HABP2: variants seen among roughly 807,000 people sequenced by gnomAD.
The protein encoded by HABP2 is hyaluronan binding protein 2.
Under a neutral mutation model 66.5 loss-of-function variants are expected in HABP2, and 65 were observed. That is an observed-to-expected ratio of 0.98 (90% CI 0.80 to 1.20). The LOEUF (loss-of-function observed/expected upper bound fraction) is 1.20. Among genes scored for constraint, HABP2 ranks in the 50% most tolerant of loss-of-function variants. The pLI is 0.00. For synonymous variants in HABP2, 263 were observed against 253.9 expected, an observed-to-expected ratio of 1.04 and a Z score of -0.34; for missense variants, 786 against 691.0, an observed-to-expected ratio of 1.14 and a Z score of -1.54.
At chr10:113,578,179 G>A (rs767195288) in intron 6 of HABP2, 34 bp downstream of exon 6, 2 of 1,610,440 alleles carry the variant, frequency 1.2e-6, no homozygotes, top group Non-Finnish European at 1.7e-6. Flanking sequence ...GGCCACAAGT[G>A]AGGCCTCTGG....
chr10:113,577,711 G>C (rs1376354793), intron 5 of HABP2, among the ~76,000 whole-genome samples: 2 of 152,214 alleles, frequency 1.3e-5, no homozygotes, highest in African/African-American at 4.8e-5. Flanking sequence ...TCAGCAGGCA[G>C]AGCTCTACCT....
intron 8 of HABP2, 26 bp downstream of exon 8, chr10:113,580,718 C>A: frequency 8.3e-7 from 1 of 1,203,122 alleles, no homozygotes; most frequent in Non-Finnish European, 1.2e-6. Context: ...GTTCAGAAGC[C>A]CAGGGGGTGG....
chr10:113,582,829 T>C (rs557720330), intron 9 of HABP2, among the ~76,000 whole-genome samples: 1 of 152,308 alleles, frequency 6.6e-6, no homozygotes, highest in African/African-American at 2.4e-5. Context: ...GCCATGAAGG[T>C]CTTCCAGTTC....
rs142455020 is a variant in HABP2, at chr10:113,557,860, A to G, written c.69+4670A>G. Among the ~76,000 whole-genome samples the G allele has an allele frequency of 2.6e-5, 4 of 152,350 alleles. No individual in the cohort carries two copies. In the East Asian group the frequency reaches 5.8e-4, roughly 22 times the overall value. ...CTCATTTAAGCTTCTCTCAAACCCT[A>G]TGAGTTAGGGACCAATGTCATTCTC... On this transcript the variant is annotated intron_variant, in intron 1 of 12. Transcript: ENST00000351270.
chr10:113,557,432 C>T (rs748960778), intron 1 of HABP2, among the ~76,000 whole-genome samples: 9 of 152,124 alleles, frequency 5.9e-5, no homozygotes, highest in Non-Finnish European at 1.2e-4. Flanking sequence ...ATTTTAAATT[C>T]ATTAGAGTTT....
chr10:113,579,795 T>C lies in HABP2; in HGVS notation c.741-800T>C, dbSNP rs1303196471. On this transcript the variant is annotated intron_variant, in intron 7 of 12. Coordinates refer to ENST00000351270, the MANE Select transcript of HABP2 (RefSeq NM_004132.5). Reference sequence around the variant, plus strand: ...TTTGTTTGTTTGTTTTTGTTTTTGTTTTTTTGAGATGGAGTCTCACTCTGT... The same window carrying C: ...TTTGTTTGTTTGTTTTTGTTTTTGTCTTTTTGAGATGGAGTCTCACTCTGT... Among the ~76,000 whole-genome samples, 4 of 152,132 alleles carry C rather than the reference T, an allele frequency of 2.6e-5. No individual in the cohort carries two copies. The East Asian group carries it at 7.7e-4, about 29-fold the overall frequency.
At chr10:113,555,130 T>A (rs1437953580) in intron 1 of HABP2, among the ~76,000 whole-genome samples, 1 of 152,236 alleles carries the variant, frequency 6.6e-6, no homozygotes, top group East Asian at 1.9e-4. Context: ...ACTGCTACCA[T>A]TTAATGAGAA....
Position 113,578,159 on chromosome 10 carries a change from C to G in HABP2, c.568+14C>G. ...TCTGTGAAATAGGTATGGGTCTCTG[C>G]CACCATCAGGGCCACAAGTGAGGCC... On this transcript the variant is annotated intron_variant, in intron 6 of 12. Coordinates refer to ENST00000351270, the MANE Select transcript of HABP2 (RefSeq NM_004132.5). 6.2e-7 allele frequency: 1 copy of G among 1,613,600 alleles called. No homozygotes were observed. Among genetic ancestry groups the G allele is most frequent in the Non-Finnish European group, 8.5e-7 (1 of 1,179,626 alleles).
intron 2 of HABP2, among the ~76,000 whole-genome samples, chr10:113,573,260 A>T (rs544825053): frequency 1.6e-4 from 24 of 152,334 alleles, no homozygotes; most frequent in African/African-American, 5.8e-4. Flanking sequence ...CCAAGGCCCC[A>T]GAGAGCAAAG....
In HABP2 at chr10:113,589,136, G is replaced by T; in HGVS notation, c.*767G>T. On this transcript the variant is annotated 3_prime_UTR_variant, in exon 13 of 13. Transcript: ENST00000351270. ...TGAAGCTCCCCCACCCCCACTCCCG[G>T]CCCCGGTTCCCACAGGACACGCTAA... is the stretch of plus-strand genomic sequence containing the variant. The T allele has an allele frequency of 6.9e-7, 1 of 1,449,042 alleles. No individual in the cohort carries two copies. The allele number at this position is 1,449,042 out of a possible 1,614,324, so 89.8% of individuals were successfully genotyped here.
At chr10:113,556,734 A>G (rs988176159) in intron 1 of HABP2, among the ~76,000 whole-genome samples, 1 of 151,380 alleles carries the variant, frequency 6.6e-6, no homozygotes, top group Non-Finnish European at 1.5e-5. Flanking sequence ...TAAAAAAAAA[A>G]AGAAAGAAAG....
intron 1 of HABP2, among the ~76,000 whole-genome samples, chr10:113,557,525 T>A (rs1326991685): frequency 6.6e-6 from 1 of 152,138 alleles, no homozygotes; most frequent in Non-Finnish European, 1.5e-5. Flanking sequence ...TAAAACATGC[T>A]TTTTCTTCAT....
intron 7 of HABP2, 63 bp from the exon 8 acceptor site, chr10:113,580,532 C>T (rs1470946799): frequency 9.2e-6 from 8 of 870,768 alleles, no homozygotes; most frequent in African/African-American, 6.6e-5. Flanking sequence ...TCCAAAGGTT[C>T]TTTAATAAGA....
intron 1 of HABP2, among the ~76,000 whole-genome samples, chr10:113,565,987 G>A (rs1845190656): frequency 1.3e-5 from 2 of 152,194 alleles, no homozygotes; most frequent in South Asian, 2.1e-4. Context: ...ATATCAGGAT[G>A]CATTATTTCT....
intron 3 of HABP2, 120 bp downstream of exon 3, chr10:113,574,525 G>A: frequency 1.6e-6 from 1 of 611,764 alleles, no homozygotes; most frequent in South Asian, 2.1e-5. Flanking sequence ...AATAGCTATG[G>A]AAGAAATTAT....
Position 113,583,206 on chromosome 10 carries a change from T to C in HABP2, c.1095-10T>C. The C allele has an allele frequency of 6.2e-7, 1 of 1,613,114 alleles. No homozygotes were observed. The highest frequency in any genetic ancestry group is 8.5e-7 in the Non-Finnish European group (1 of 1,179,600). Reference sequence around the variant, plus strand: ...CAGTGCCTTCCTGACCATCTCATTTTCCCTTGCAGCATAAAAACCAGACAT... The same window carrying C: ...CAGTGCCTTCCTGACCATCTCATTTCCCCTTGCAGCATAAAAACCAGACAT... On this transcript the variant is annotated splice_polypyrimidine_tract_variant and intron_variant, in intron 9 of 12. Transcript: ENST00000351270.
intron 2 of HABP2, chr10:113,572,748 G>A: frequency 4.4e-6 from 2 of 449,532 alleles, no homozygotes; most frequent in Non-Finnish European, 8.9e-6. Flanking sequence ...TCCCCTGGGA[G>A]CATTTTCATA....
intron 2 of HABP2, among the ~76,000 whole-genome samples, chr10:113,568,482 T>C (rs1212262339): frequency 6.6e-6 from 1 of 152,232 alleles, no homozygotes; most frequent in Non-Finnish European, 1.5e-5. Flanking sequence ...CAGGTCTTCA[T>C]TCTGTCCCAG....
chr10:113,589,028 G>C lies in HABP2; in HGVS notation c.*659G>C. On this transcript the variant is annotated 3_prime_UTR_variant, in exon 13 of 13. Coordinates refer to ENST00000351270, the MANE Select transcript of HABP2 (RefSeq NM_004132.5). ...ACGTGCAGAATCTCAGTGGCATCTG[G>C]GTTCACCTCCCCACTCTGATGATCT... 1 of 1,613,940 alleles carries C rather than the reference G, an allele frequency of 6.2e-7. No homozygotes were observed. The highest frequency in any genetic ancestry group is 8.5e-7 in the Non-Finnish European group (1 of 1,179,992).
Sources: gnomAD v4.1 joint callset for allele counts (sites outside exome capture counted in the v4.1 genomes callset) on GRCh38, gnomAD v4.1.1 for gene constraint, MANE v1.5 for transcripts, NCBI Gene and HGNC (gene_info 2026-07-23, HGNC 2026-07-21) for gene names.